ENO4: variants seen among roughly 807,000 people sequenced by gnomAD.
The protein encoded by ENO4 is enolase 4.
Under a neutral mutation model 63.2 loss-of-function variants are expected in ENO4, and 53 were observed. The observed-to-expected ratio is 0.84, with a 90% confidence interval of 0.67 to 1.05. ENO4 has a LOEUF of 1.05. Among genes scored for constraint, ENO4 ranks in the 50% least tolerant of loss-of-function variants. The pLI is 0.00. For synonymous variants in ENO4, 266 were observed against 283.8 expected (o/e 0.94, Z 0.63); for missense variants, 719 against 772.0 (o/e 0.93, Z 0.81).
At chr10:116,887,853 T>C (rs112667413) in intron 10 of ENO4, among the ~76,000 whole-genome samples, 148 of 152,170 alleles carry the variant, frequency 9.7e-4, no homozygotes, top group Middle Eastern at 3.4e-3. Context: ...AAATCAAGGT[T>C]TGGGTGTGAG....
chr10:116,876,071 G>C lies in ENO4; in HGVS notation c.1348G>C (p.Glu450Gln). Residue 450 changes from glutamate (E) to glutamine (Q), a missense_variant, in exon 11 of 14, where the codon GAA (glutamate) becomes CAA (glutamine). Physicochemically the swap from Glu to Gln is conservative, Grantham distance 29. Coordinates refer to ENST00000341276, the MANE Select transcript of ENO4 (RefSeq NM_001242699.2). ...LIDPFRKEDSEQWDSIYHALG... is the reference protein window; with the variant it reads ...LIDPFRKEDSQQWDSIYHALG... Reference sequence around the variant, plus strand: ...CTCTTAAATATTTACCCAGGACTCTGAACAGTGGGACAGCATCTATCACGC... The same window carrying C: ...CTCTTAAATATTTACCCAGGACTCTCAACAGTGGGACAGCATCTATCACGC... The C allele has an allele frequency of 6.5e-7, 1 of 1,540,918 alleles. No individual in the cohort carries two copies. The highest frequency in any genetic ancestry group is 1.4e-5 in the African/African-American group (1 of 72,714).
chr10:116,909,767 G>T (rs1848118414), intron 10 of ENO4, among the ~76,000 whole-genome samples: 1 of 152,194 alleles, frequency 6.6e-6, no homozygotes, highest in Middle Eastern at 3.4e-3. Flanking sequence ...CTTAGCAGAA[G>T]GCCAAATCAC....
chr10:116,904,428 G>A (rs1349073453), intron 10 of ENO4, among the ~76,000 whole-genome samples: 1 of 149,964 alleles, frequency 6.7e-6, no homozygotes, highest in African/African-American at 2.5e-5. Flanking sequence ...TTGTAAGTTT[G>A]TTTCCTTCCT....
At position 116,856,686 on chromosome 10, in the gene ENO4, C is replaced by G. The variant is rs1846268642; in HGVS notation, c.485+4C>G. ...CAGAGGTGGATCACCTACTCAGGTA[C>G]AGTTTCCACTTTGAAATATAAACAT... On this transcript the variant is annotated splice_donor_region_variant and intron_variant, in intron 3 of 13. Coordinates refer to ENST00000341276, the MANE Select transcript of ENO4 (RefSeq NM_001242699.2). 3 of 1,512,042 alleles carry G rather than the reference C, an allele frequency of 2.0e-6. No homozygotes were observed. The South Asian group carries it at 3.7e-5, about 19-fold the overall frequency. The allele number at this position is 1,512,042 out of a possible 1,614,324, so 93.7% of individuals were successfully genotyped here.
At chr10:116,886,555 C>A (rs1474256276), downstream of ENO4, 2 of 1,613,954 alleles carry the variant, frequency 1.2e-6, no homozygotes, top group Non-Finnish European at 1.7e-6. Context: ...GCATCCAATG[C>A]TACTGGGAGG....
intron 10 of ENO4, among the ~76,000 whole-genome samples, chr10:116,897,069 A>G (rs1847549796): frequency 6.6e-6 from 1 of 152,052 alleles, no homozygotes; most frequent in South Asian, 2.1e-4. Flanking sequence ...AGCCTCCCAA[A>G]GTGCTGGGAT....
chr10:116,906,926 A>C (rs1265300339), intron 10 of ENO4, among the ~76,000 whole-genome samples: 2 of 152,204 alleles, frequency 1.3e-5, no homozygotes, highest in East Asian at 3.9e-4. Flanking sequence ...AGAGTGTTGG[A>C]TCATTTAAGA....
At chr10:116,891,409 G>C (rs1349726594) in intron 10 of ENO4, among the ~76,000 whole-genome samples, 1 of 152,194 alleles carries the variant, frequency 6.6e-6, no homozygotes, top group African/African-American at 2.4e-5. Context: ...GTCTGTGGCA[G>C]CCATCCAACA....
intron 10 of ENO4, chr10:116,901,245 A>C: frequency 2.0e-6 from 2 of 985,046 alleles, no homozygotes; most frequent in Non-Finnish European, 2.4e-6. Flanking sequence ...ACTCTTTGAC[A>C]ATCAAAGTGC....
At chr10:116,855,169 T>C (rs1392196544) in intron 1 of ENO4, among the ~76,000 whole-genome samples, 1 of 151,966 alleles carries the variant, frequency 6.6e-6, no homozygotes, top group African/African-American at 2.4e-5. Context: ...GGCGCACGCC[T>C]GTAGTCCCTG....
chr10:116,856,742 C>T (rs1268176194), intron 3 of ENO4, 60 bp downstream of exon 3: 2 of 1,380,500 alleles, frequency 1.4e-6, no homozygotes, highest in Non-Finnish European at 1.9e-6. Context: ...TGGCTCACGC[C>T]TGTAATCCCA....
chr10:116,859,765 G>A (rs931377345), intron 4 of ENO4, among the ~76,000 whole-genome samples: 1 of 152,020 alleles, frequency 6.6e-6, no homozygotes, highest in Non-Finnish European at 1.5e-5. Flanking sequence ...GCCATTGCCC[G>A]TATCTAGCAT....
chr10:116,868,535 G>A (rs1232266007), intron 7 of ENO4, 115 bp from the exon 8 acceptor site: 1 of 831,582 alleles, frequency 1.2e-6, no homozygotes, highest in South Asian at 1.4e-5. Flanking sequence ...GTGTATGTGT[G>A]CACACGTGTG....
Position 116,881,590 on chromosome 10 carries a change from C to G in ENO4, c.1799C>G (p.Ala600Gly), listed in dbSNP as rs574707425. The G allele has an allele frequency of 6.5e-7, 1 of 1,550,302 alleles. No individual in the cohort carries two copies. Among genetic ancestry groups the G allele is most frequent in the Non-Finnish European group, 8.7e-7 (1 of 1,146,878 alleles). ...EKAAEALEAA[A>G]AREPLVPTFP... ...GCTGCGGAGGCACTTGAGGCTGCTG[C>G]GGCTAGGGAGCCGCTGGTGCCCACC... Residue 600 changes from alanine (A) to glycine (G), a missense_variant, in exon 14 of 14, where the codon GCG becomes GGG. Ala to Gly is a moderately conservative substitution (Grantham distance 60, BLOSUM62 0). Around this residue, in one of 3 missense-constraint regions of ENO4, gnomAD observed 168 missense variants for 163.3 expected, o/e 1.03. Coordinates refer to ENST00000341276, the MANE Select transcript of ENO4 (RefSeq NM_001242699.2).
Position 116,856,474 on chromosome 10 carries a change from CATTT to C in ENO4, c.295-15_295-12del. 6.5e-7 allele frequency: 1 copy of C among 1,532,932 alleles called. No individual in the cohort carries two copies. Among genetic ancestry groups the C allele is most frequent in the Non-Finnish European group, 8.7e-7 (1 of 1,144,494 alleles). The allele number at this position is 1,532,932 out of a possible 1,614,324, so 95.0% of individuals were successfully genotyped here. The stretch of plus-strand genomic sequence containing the variant: ...GGAGAGGTAGGGAAAGTGTTGAACA[CATTT>C]ATATGATTTTCAGAACGTATGTTCT... On this transcript the variant is annotated splice_polypyrimidine_tract_variant and intron_variant, in intron 2 of 13. Transcript: ENST00000341276.
At chr10:116,879,809 G>T (rs565376008) in intron 12 of ENO4, 60 bp from the exon 13 acceptor site, 20 of 1,268,334 alleles carry the variant, frequency 1.6e-5, no homozygotes, top group South Asian at 5.5e-5. Context: ...TTAAAGAATT[G>T]TTTGTCGTTT....
At chr10:116,876,852 G>C (rs1375200160) in intron 11 of ENO4, among the ~76,000 whole-genome samples, 1 of 152,134 alleles carries the variant, frequency 6.6e-6, no homozygotes, top group Non-Finnish European at 1.5e-5. Flanking sequence ...TCGGGAGGCT[G>C]AGGCAGGAGA....
chr10:116,867,297 T>G (rs1216325030), intron 7 of ENO4, among the ~76,000 whole-genome samples: 1 of 152,156 alleles, frequency 6.6e-6, no homozygotes, highest in East Asian at 1.9e-4. Flanking sequence ...GTTTCAGTTT[T>G]TAGCCATTTT....
chr10:116,856,675 C>T lies in ENO4; in HGVS notation c.478C>T (p.Leu160=). 6.5e-7 allele frequency: 1 copy of T among 1,528,086 alleles called. No homozygotes were observed. The allele number at this position is 1,528,086 out of a possible 1,614,324, so 94.7% of individuals were successfully genotyped here. ...CTCTGACCAGGCAGAGGTGGATCAC[C>T]TACTCAGGTACAGTTTCCACTTTGA... ...APSDQAEVDH[L]LRIFFASKVQ... The change falls in exon 3 of 14, where the codon CTA becomes TTA. Residue 160 remains leucine, a synonymous_variant. Coordinates refer to ENST00000341276, the MANE Select transcript of ENO4 (RefSeq NM_001242699.2).
Sources: allele counts gnomAD v4.1 joint callset (sites outside exome capture counted in the v4.1 genomes callset), GRCh38; gene constraint gnomAD v4.1.1; regional missense constraint gnomAD v4.1.1; transcripts MANE v1.5; gene names NCBI Gene and HGNC (gene_info 2026-07-23, HGNC 2026-07-21).